The following RTN2 variants were observed in gnomAD, a reference collection of about 807,000 sequenced individuals.
RTN2 encodes reticulon 2.
In RTN2, 36 loss-of-function variants were observed where a neutral mutation model predicts 63.7. The ratio of observed to expected loss-of-function variants is 0.56; its 90% CI spans 0.43 to 0.75. RTN2 has a LOEUF of 0.75. Ranked by LOEUF, RTN2 falls within the 30% of genes least tolerant of loss-of-function variation. RTN2 has a pLI of 0.00. For missense variants in RTN2, 673 were observed against 705.1 expected (o/e 0.95, Z 0.52); for synonymous variants, 312 against 313.0 (o/e 1.00, Z 0.03).
At chr19:45,485,852 C>A in intron 10 of RTN2, 63 bp from the exon 11 acceptor site, 1 of 1,373,084 alleles carries the variant, frequency 7.3e-7, no homozygotes, top group Non-Finnish European at 1.0e-6. Context: ...CATCTGGGGA[C>A]AACGGGGAAA....
Position 45,489,676 on chromosome 19 carries a change from CTTTTTT to C in RTN2, c.1034-129_1034-124del, listed in dbSNP as rs200770145. Reference sequence around the variant, plus strand: ...ACCTGTTTGAGCATAACCTGATTTCCTTTTTTTTTTTTTTTTTTTGAGAGACAGGGT... The same window carrying C: ...ACCTGTTTGAGCATAACCTGATTTCCTTTTTTTTTTTTTGAGAGACAGGGT... On this transcript the variant is annotated intron_variant, in intron 5 of 10. Coordinates refer to ENST00000245923, the MANE Select transcript of RTN2 (RefSeq NM_005619.5). 10,556 of 502,052 alleles carry C rather than the reference CTTTTTT, an allele frequency of 0.021. 93 individuals carry two copies. Among genetic ancestry groups the C allele is most frequent in the East Asian group, 0.12 (3,562 of 30,358 alleles). The allele number at this position is 502,052 out of a possible 1,614,324, so 31.1% of individuals were successfully genotyped here. A position where few individuals can be genotyped will look rare whatever the true frequency, so the allele number is the denominator to read the frequency against.
chr19:45,488,202 G>A (rs942695113), intron 9 of RTN2, among the ~76,000 whole-genome samples: 11 of 148,034 alleles, frequency 7.4e-5, no homozygotes, highest in Middle Eastern at 4.0e-3. Context: ...GCAGTGAGCC[G>A]AGATCACACC....
intron 1 of RTN2, chr19:45,496,504 C>A: frequency 6.1e-6 from 2 of 327,410 alleles, no homozygotes; most frequent in Non-Finnish European, 1.1e-5. Context: ...GACAGCTCCC[C>A]GCGCGCGTCC....
chr19:45,495,088 C>G lies in RTN2; in HGVS notation c.79+7G>C, dbSNP rs2298887. 2 of 1,614,052 alleles carry G rather than the reference C, an allele frequency of 1.2e-6. No individual in the cohort carries two copies. Among genetic ancestry groups the G allele is most frequent in the South Asian group, 2.2e-5 (2 of 91,076 alleles). The stretch of plus-strand genomic sequence containing the variant: ...CTGAGCCCCTTCACATGCTCCCCAC[C>G]ACTTACCTTCTGTGGAATCAGGAGT... On this transcript the variant is annotated splice_region_variant and intron_variant, in intron 2 of 10. Coordinates refer to ENST00000245923, the MANE Select transcript of RTN2 (RefSeq NM_005619.5).
At position 45,494,275 on chromosome 19, in the gene RTN2, C is replaced by T. The variant is rs1400373866; in HGVS notation, c.705G>A (p.Leu235=). 1 of 1,613,940 alleles carries T rather than the reference C, an allele frequency of 6.2e-7. No homozygotes were observed. Among genetic ancestry groups the T allele is most frequent in the South Asian group, 1.1e-5 (1 of 91,074 alleles). ...RDSNSGPEEP[L]LEEEEKQWGP... is the part of the protein sequence containing the mutation. Reference sequence around the variant, plus strand: ...CCCACTGCTTTTCTTCCTCTTCCAGCAATGGCTCTTCGGGCCCAGAGTTCG... The same window carrying T: ...CCCACTGCTTTTCTTCCTCTTCCAGTAATGGCTCTTCGGGCCCAGAGTTCG... Residue 235 remains leucine, a synonymous_variant, in exon 4 of 11, where the codon TTG becomes TTA. Coordinates refer to ENST00000245923, the MANE Select transcript of RTN2 (RefSeq NM_005619.5). This position sits in a 1 kb window ranked among gnomAD's most constrained non-coding sequence, Gnocchi z 5.3.
chr19:45,489,094 T>G (rs552610817), intron 6 of RTN2, 108 bp from the exon 7 acceptor site: 2 of 1,286,332 alleles, frequency 1.6e-6, no homozygotes, highest in South Asian at 2.8e-5. Flanking sequence ...AGACCAGAGT[T>G]AGGACTGAGG....
intron 9 of RTN2, 41 bp downstream of exon 9, chr19:45,488,430 T>G (rs1212896368): frequency 1.3e-6 from 2 of 1,599,688 alleles, no homozygotes; most frequent in Admixed American, 3.4e-5. Context: ...CAGACCCCCA[T>G]GTTTAGCTGG....
chr19:45,486,233 C>T, intron 9 of RTN2, 120 bp from the exon 10 acceptor site: 1 of 775,138 alleles, frequency 1.3e-6, no homozygotes, highest in Non-Finnish European at 2.2e-6. Flanking sequence ...GCCCACCACG[C>T]CACCCCCGGC....
In RTN2 at chr19:45,485,563, A is replaced by G. The variant is rs529811709; in HGVS notation, c.*145T>C. 7.8e-5 allele frequency: 51 copies of G among 656,978 alleles called. 1 individual carries two copies. The South Asian group carries it at 8.5e-4, about 11-fold the overall frequency. 40.7% of individuals were successfully genotyped at this position (656,978 alleles called of 1,614,324 possible). On this transcript the variant is annotated 3_prime_UTR_variant, in exon 11 of 11. Transcript: ENST00000245923. ...TCCTGGTCGCTCAGGTAATTAGCGC[A>G]GAGTCCCTAGTGGGAGTGATCCTGA...
chr19:45,488,665 G>A lies in RTN2; in HGVS notation c.1422C>T (p.Ile474=). The A allele has an allele frequency of 6.2e-7, 1 of 1,614,024 alleles. No individual in the cohort carries two copies. The highest frequency in any genetic ancestry group is 8.5e-7 in the Non-Finnish European group (1 of 1,179,968). The change falls in exon 8 of 11, where the codon ATC becomes ATT. Residue 474 remains isoleucine, a synonymous_variant. Coordinates refer to ENST00000245923, the MANE Select transcript of RTN2 (RefSeq NM_005619.5). ...LFYILTFVGA[I]FNGLTLLILG... ...GAATGAGAAGAGTCAAACCATTGAA[G>A]ATGGCACCCACGAAGGTCAAGATGT...
Position 45,494,937 on chromosome 19 carries a change from C to T in RTN2, c.148G>A (p.Glu50Lys). Residue 50 changes from glutamate (E) to lysine (K), a missense_variant, in exon 3 of 11, where the codon GAG becomes AAG. Transcript: ENST00000245923. This position sits in a 1 kb window ranked among gnomAD's most constrained non-coding sequence, Gnocchi z 5.3. ...GTGCCCCAGTCCTGCGACGTGGTCT[C>T]CTCCTCGTCCTCCTCTGAGAATTCC... ...AREFSEEDEE[E>K]TTSQDWGTPR... is the part of the protein sequence containing the mutation. 1 of 1,613,752 alleles carries T rather than the reference C, an allele frequency of 6.2e-7. No homozygotes were observed. Among genetic ancestry groups the T allele is most frequent in the South Asian group, 1.1e-5 (1 of 91,078 alleles).
chr19:45,488,823 G>T (rs1323729430), intron 7 of RTN2, 25 bp downstream of exon 7: 18 of 1,598,550 alleles, frequency 1.1e-5, no homozygotes, highest in Non-Finnish European at 1.5e-5. Flanking sequence ...GGGGAACCCA[G>T]GAGGGGCTGA....
At chr19:45,490,306 C>T (rs973857156) in intron 5 of RTN2, among the ~76,000 whole-genome samples, 1 of 152,170 alleles carries the variant, frequency 6.6e-6, no homozygotes, top group South Asian at 2.1e-4. Context: ...GGCCTTAATT[C>T]ATTATTTTAA....
intron 9 of RTN2, among the ~76,000 whole-genome samples, chr19:45,488,221 C>T (rs539013536): frequency 3.9e-5 from 6 of 152,326 alleles, no homozygotes; most frequent in South Asian, 2.1e-4. Context: ...CCACTGCACT[C>T]CAGCCTGGGC....
intron 5 of RTN2, among the ~76,000 whole-genome samples, chr19:45,491,850 A>T (rs1968168338): frequency 6.7e-6 from 1 of 149,216 alleles, no homozygotes. Context: ...GCCCAGGTTG[A>T]ATTCCTGGCT....
Position 45,488,676 on chromosome 19 carries a change from C to T in RTN2, c.1411G>A (p.Val471Met), listed in dbSNP as rs138355894. ...LALLFYILTF[V>M]GAIFNGLTLL... is the part of the protein sequence containing the mutation. Reference sequence around the variant, plus strand: ...GTCAAACCATTGAAGATGGCACCCACGAAGGTCAAGATGTAGAAGAGGAGG... The same window carrying T: ...GTCAAACCATTGAAGATGGCACCCATGAAGGTCAAGATGTAGAAGAGGAGG... Residue 471 changes from valine (V) to methionine (M), a missense_variant, in exon 8 of 11, where the codon GTG (valine) becomes ATG (methionine). By Grantham distance (21) the Val-to-Met change is conservative. Coordinates refer to ENST00000245923, the MANE Select transcript of RTN2 (RefSeq NM_005619.5). The T allele has an allele frequency of 4.2e-5, 67 of 1,613,804 alleles. No homozygotes were observed. Among genetic ancestry groups the T allele is most frequent in the South Asian group, 2.1e-4 (19 of 91,032 alleles).
chr19:45,495,374 C>G lies in RTN2; in HGVS notation c.35-235G>C, dbSNP rs571413165. Among the ~76,000 whole-genome samples, 34 of 152,278 alleles carry G rather than the reference C, an allele frequency of 2.2e-4. No individual in the cohort carries two copies. The South Asian group carries it at 6.6e-3, about 30-fold the overall frequency. Reference sequence around the variant, plus strand: ...GAATCTTAGGAGGTTTCAATTCATTCATTCGTTCAACAACCACTTATTGAG... The same window carrying G: ...GAATCTTAGGAGGTTTCAATTCATTGATTCGTTCAACAACCACTTATTGAG... On this transcript the variant is annotated intron_variant, in intron 1 of 10. Transcript: ENST00000245923.
chr19:45,485,612 C>A lies in RTN2; in HGVS notation c.*96G>T. 1.0e-6 allele frequency: 1 copy of A among 988,356 alleles called. No individual in the cohort carries two copies. Among genetic ancestry groups the A allele is most frequent in the Middle Eastern group, 3.1e-4 (1 of 3,272 alleles). The allele number at this position is 988,356 out of a possible 1,614,324, so 61.2% of individuals were successfully genotyped here. ...GACACCCACCGGGAAAAGGCTCGGG[C>A]CGAGGAGGGGGGTGGGTGGGAACGG... On this transcript the variant is annotated 3_prime_UTR_variant, in exon 11 of 11. Coordinates refer to ENST00000245923, the MANE Select transcript of RTN2 (RefSeq NM_005619.5).
intron 5 of RTN2, among the ~76,000 whole-genome samples, chr19:45,490,705 TA>T (rs1411149952): frequency 6.6e-6 from 1 of 151,366 alleles, no homozygotes; most frequent in African/African-American, 2.4e-5. Flanking sequence ...GCCTCCTGAG[TA>T]GCTGAGATTA....
Sources: allele counts gnomAD v4.1 joint callset (sites outside exome capture counted in the v4.1 genomes callset), GRCh38; gene constraint gnomAD v4.1.1; non-coding constraint Gnocchi (gnomAD v3.1); transcripts MANE v1.5; gene names NCBI Gene and HGNC (gene_info 2026-07-23, HGNC 2026-07-21).